LRRTM4: variants seen among roughly 807,000 people sequenced by gnomAD.
LRRTM4 encodes the protein leucine-rich repeat transmembrane neuronal protein 4.
A neutral mutation model predicts 47.6 loss-of-function variants in LRRTM4; 25 were observed. The ratio of observed to expected loss-of-function variants is 0.53; its 90% CI spans 0.38 to 0.73. The LOEUF (loss-of-function observed/expected upper bound fraction) is 0.73, where lower values mean the gene tolerates loss of function less well. LRRTM4 is among the 30% of genes least tolerant of loss of function. LRRTM4 has a pLI of 0.00. For missense variants in LRRTM4, 638 were observed against 713.4 expected (o/e 0.89, Z 1.20); for synonymous variants, 311 against 269.5 (o/e 1.15, Z -1.51).
Position 77,365,693 on chromosome 2 carries a change from A to C in LRRTM4, c.1551+152625T>G, listed in dbSNP as rs556987502. 5.9e-5 allele frequency among the ~76,000 whole-genome samples: 9 copies of C among 151,678 alleles called. No individual in the cohort carries two copies. The East Asian group carries it at 1.7e-3, about 29-fold the overall frequency. Reference sequence around the variant, plus strand: ...ATTTTGGTTTAATAAACTTGATGGAATACTATGATGCCATTAAATATATAT... The same window carrying C: ...ATTTTGGTTTAATAAACTTGATGGACTACTATGATGCCATTAAATATATAT... On this transcript the variant is annotated intron_variant, in intron 3 of 3. Coordinates refer to ENST00000409884, the MANE Select transcript of LRRTM4 (RefSeq NM_001134745.3).
chr2:77,130,570 G>C (rs1438563725), intron 3 of LRRTM4, among the ~76,000 whole-genome samples: 2 of 151,762 alleles, frequency 1.3e-5, no homozygotes, highest in African/African-American at 4.8e-5. Flanking sequence ...GGAGTGCAGT[G>C]GCAGAATCTC....
intron 3 of LRRTM4, among the ~76,000 whole-genome samples, chr2:76,938,805 AAAAC>A (rs1462630311): frequency 6.6e-6 from 1 of 152,182 alleles, no homozygotes; most frequent in Non-Finnish European, 1.5e-5. Context: ...TTTAATAGGA[AAAAC>A]AAATAGCAAA....
At chr2:77,038,476 T>A (rs1678909260) in intron 3 of LRRTM4, among the ~76,000 whole-genome samples, 1 of 151,500 alleles carries the variant, frequency 6.6e-6, no homozygotes, top group Admixed American at 6.6e-5. Flanking sequence ...AAAGTACTGT[T>A]CAGAGTCTAT....
At chr2:77,320,910 T>C (rs1281448406) in intron 3 of LRRTM4, among the ~76,000 whole-genome samples, 22 of 152,096 alleles carry the variant, frequency 1.4e-4, no homozygotes, top group Admixed American at 1.4e-3. Context: ...AACTTCAGCT[T>C]TTTTGATATT....
Position 76,986,235 on chromosome 2 carries a change from T to C in LRRTM4, c.1552-237319A>G, listed in dbSNP as rs548037216. 8.4e-4 allele frequency among the ~76,000 whole-genome samples: 127 copies of C among 150,314 alleles called. 1 individual carries two copies. The highest frequency in any genetic ancestry group is 1.6e-3 in the Admixed American group (24 of 15,136). On this transcript the variant is annotated intron_variant, in intron 3 of 3. Transcript: ENST00000409884. ...TGAAGAGTGTGCATTTAAAATTCTG[T>C]TCTTTTAGTTGTAAAGGAAAGCATT...
chr2:77,058,387 T>C (rs1679676207), intron 3 of LRRTM4, among the ~76,000 whole-genome samples: 1 of 152,154 alleles, frequency 6.6e-6, no homozygotes, highest in Non-Finnish European at 1.5e-5. Flanking sequence ...GGGGAGTACT[T>C]AGGCAAATGT....
chr2:77,483,592 C>G (rs566151046), intron 3 of LRRTM4, among the ~76,000 whole-genome samples: 1 of 152,266 alleles, frequency 6.6e-6, no homozygotes, highest in African/African-American at 2.4e-5. Flanking sequence ...CTACCCGTCT[C>G]GGCCTCCCAA....
intron 3 of LRRTM4, among the ~76,000 whole-genome samples, chr2:77,086,098 G>T (rs1041015142): frequency 2.6e-5 from 4 of 152,160 alleles, no homozygotes; most frequent in Non-Finnish European, 4.4e-5. Context: ...TTTCACTGAA[G>T]CCGGACTGTA....
At chr2:76,945,089 A>G (rs1198194519) in intron 3 of LRRTM4, among the ~76,000 whole-genome samples, 1 of 152,086 alleles carries the variant, frequency 6.6e-6, no homozygotes, top group African/African-American at 2.4e-5. Flanking sequence ...TTTTTGGCCA[A>G]GGTCACAGAT....
At chr2:76,800,624 GCTT>G (rs1675615185) in intron 3 of LRRTM4, among the ~76,000 whole-genome samples, 1 of 136,936 alleles carries the variant, frequency 7.3e-6, no homozygotes, top group African/African-American at 2.8e-5. Context: ...AAACTAAAGA[GCTT>G]CTGCACAGCA....
intron 3 of LRRTM4, among the ~76,000 whole-genome samples, chr2:77,044,474 G>T (rs1287474470): frequency 6.6e-6 from 1 of 151,660 alleles, no homozygotes; most frequent in Non-Finnish European, 1.5e-5. Flanking sequence ...ATATAGCTCT[G>T]AAAGTTGACA....
intron 3 of LRRTM4, among the ~76,000 whole-genome samples, chr2:77,385,644 A>AT (rs1412421987): frequency 1.3e-5 from 2 of 151,214 alleles, no homozygotes; most frequent in African/African-American, 4.9e-5. Context: ...TTAATCTCAA[A>AT]TTTTCACACC....
intron 3 of LRRTM4, among the ~76,000 whole-genome samples, chr2:76,779,180 A>C (rs1225441268): frequency 1.3e-5 from 2 of 152,074 alleles, no homozygotes; most frequent in Non-Finnish European, 2.9e-5. Context: ...TTTACTTCCA[A>C]GTATGTGGTC....
chr2:77,099,866 A>T (rs1670905604), intron 3 of LRRTM4, among the ~76,000 whole-genome samples: 1 of 152,134 alleles, frequency 6.6e-6, no homozygotes, highest in East Asian at 1.9e-4. Flanking sequence ...AAAATAAAAT[A>T]ATAATATATT....
intron 3 of LRRTM4, among the ~76,000 whole-genome samples, chr2:77,364,401 G>A (rs1297867774): frequency 3.9e-5 from 6 of 152,094 alleles, no homozygotes; most frequent in Non-Finnish European, 2.9e-5. Context: ...GTGGACTCAA[G>A]TCAAACAAGA....
intron 3 of LRRTM4, among the ~76,000 whole-genome samples, chr2:76,919,313 AGTGATCAAACTG>A (rs1424886205): frequency 2.6e-5 from 4 of 152,194 alleles, no homozygotes; most frequent in African/African-American, 9.6e-5. Context: ...GTATAAACTA[AGTGATCAAACTG>A]GTACCTCATG....
intron 3 of LRRTM4, among the ~76,000 whole-genome samples, chr2:77,495,941 G>A (rs941911855): frequency 1.8e-4 from 28 of 151,972 alleles, no homozygotes; most frequent in Admixed American, 3.9e-4. Context: ...CTTTGGTTAA[G>A]GTCATGTTGA....
chr2:76,843,006 T>A lies in LRRTM4; in HGVS notation c.1552-94090A>T, dbSNP rs531754885. ...AATTTATGTTTCTTGAAAGAAATGG[T>A]CAGTTATGCTTTGAAATAAATGGTA... On this transcript the variant is annotated intron_variant, in intron 3 of 3. Transcript: ENST00000409884. 6.6e-5 allele frequency among the ~76,000 whole-genome samples: 10 copies of A among 152,336 alleles called. No individual in the cohort carries two copies. The South Asian group carries it at 2.1e-3, about 32-fold the overall frequency.
intron 3 of LRRTM4, among the ~76,000 whole-genome samples, chr2:77,210,492 C>A (rs1204276851): frequency 1.3e-5 from 2 of 152,042 alleles, no homozygotes; most frequent in Non-Finnish European, 2.9e-5. Flanking sequence ...TCCAATAATG[C>A]ACACATCATT....
Sources: gnomAD v4.1 joint callset for allele counts (sites outside exome capture counted in the v4.1 genomes callset) on GRCh38, gnomAD v4.1.1 for gene constraint, MANE v1.5 for transcripts, NCBI Gene and HGNC (gene_info 2026-07-23, HGNC 2026-07-21) for gene names.